Variants in HTR2B observed in about 807,000 individuals in gnomAD.
HTR2B encodes 5-hydroxytryptamine receptor 2B, also known as 5-HT 2B receptor.
In HTR2B, 31 loss-of-function variants were observed where a neutral mutation model predicts 39.8. That is an observed-to-expected ratio of 0.78 (90% CI 0.58 to 1.05). The LOEUF (loss-of-function observed/expected upper bound fraction) is 1.05. Ranked by LOEUF, HTR2B falls within the 50% of genes least tolerant of loss-of-function variation. The pLI, the probability that HTR2B is intolerant of heterozygous loss-of-function variation, is 0.00. For missense variants in HTR2B, 562 were observed against 578.0 expected (o/e 0.97, Z 0.28); for synonymous variants, 210 against 207.1 (o/e 1.01, Z -0.12).
rs565666997 is a variant in HTR2B, at chr2:231,123,912, A to G, written c.-148T>C. 138 of 697,362 alleles carry G rather than the reference A, an allele frequency of 2.0e-4. No homozygotes were observed. The highest frequency in any genetic ancestry group is 1.9e-3 in the African/African-American group (106 of 56,518). The allele number at this position is 697,362 out of a possible 1,614,324, so 43.2% of individuals were successfully genotyped here. A position where few individuals can be genotyped will look rare whatever the true frequency, so the allele number is the denominator to read the frequency against. On this transcript the variant is annotated 5_prime_UTR_variant, in exon 2 of 4. Transcript: ENST00000258400. ...ACCTTCCTTTAAAAAAAAAAATTCAAGTTCTCTAAAATGAGCGCATACACA... is the reference window on the plus strand; with the variant it reads ...ACCTTCCTTTAAAAAAAAAAATTCAGGTTCTCTAAAATGAGCGCATACACA...
At chr2:231,121,902 A>G (rs1695556430) in intron 2 of HTR2B, among the ~76,000 whole-genome samples, 1 of 152,172 alleles carries the variant, frequency 6.6e-6, no homozygotes, top group African/African-American at 2.4e-5. Flanking sequence ...CACAGTTTGA[A>G]GAGTATGATT....
rs1349471577 is a variant in HTR2B, at chr2:231,108,434, C to A, written c.*83G>T. On this transcript the variant is annotated 3_prime_UTR_variant, in exon 4 of 4. Coordinates refer to ENST00000258400, the MANE Select transcript of HTR2B (RefSeq NM_000867.5). ...ATGATTTGATATATGACATAAAATT[C>A]TTTATATAATATATTCTTGGCACAT... The A allele has an allele frequency of 2.1e-6, 2 of 966,162 alleles. No homozygotes were observed. 59.8% of individuals were successfully genotyped at this position (966,162 alleles called of 1,614,324 possible). A position where few individuals can be genotyped will look rare whatever the true frequency, so the allele number is the denominator to read the frequency against.
At chr2:231,111,843 C>T (rs1264064008) in intron 3 of HTR2B, among the ~76,000 whole-genome samples, 2 of 152,160 alleles carry the variant, frequency 1.3e-5, no homozygotes, top group African/African-American at 4.8e-5. Flanking sequence ...TCTTTTTTCT[C>T]CTGCATCACT....
In HTR2B at chr2:231,113,730, T is replaced by A. The variant is rs376496630; in HGVS notation, c.552A>T (p.Ile184=). 10 of 1,612,888 alleles carry A rather than the reference T, an allele frequency of 6.2e-6. No individual in the cohort carries two copies. The highest frequency in any genetic ancestry group is 8.5e-6 in the Non-Finnish European group (10 of 1,178,950). Residue 184 remains isoleucine (I), a splice_region_variant and synonymous_variant, in exon 3 of 4, where the codon ATA becomes ATT. Transcript: ENST00000258400. ...IKITVVWLIS[I]GIAIPVPIKG... is the part of the protein sequence containing the mutation. ...CACACTCTGGCATTCTCTACATACC[T>A]ATTGAAATTAACCACACCACTGTAA...
intron 3 of HTR2B, 36 bp from the exon 4 acceptor site, chr2:231,109,445 T>G (rs1695082706): frequency 6.4e-7 from 1 of 1,560,632 alleles, no homozygotes; most frequent in East Asian, 2.2e-5. Flanking sequence ...TTGAGTCATT[T>G]TATGACCTGT....
In HTR2B at chr2:231,124,017, G is replaced by A. The variant is rs143838790; in HGVS notation, c.-253C>T. On this transcript the variant is annotated 5_prime_UTR_variant, in exon 2 of 4. Transcript: ENST00000258400. ...TTAAATTTAGGAAAGCTCAGTGAAAGAAACTGATAGCTGTGAAAAAAATAG... is the reference window on the plus strand; with the variant it reads ...TTAAATTTAGGAAAGCTCAGTGAAAAAAACTGATAGCTGTGAAAAAAATAG... The A allele has an allele frequency of 5.9e-4, 273 of 461,144 alleles. 4 individuals carry two copies. In the East Asian group the frequency reaches 8.8e-3, roughly 15 times the overall value. 28.6% of individuals were successfully genotyped at this position (461,144 alleles called of 1,614,324 possible).
rs183799705 is a variant in HTR2B, at chr2:231,123,475, G to A, written c.290C>T (p.Ala97Val). The change falls in exon 2 of 4, where the codon GCG (alanine) becomes GTG (valine). Residue 97 changes from alanine (A) to valine (V), a missense_variant. Physicochemically the swap from Ala to Val is moderately conservative, Grantham distance 64 (BLOSUM62 0). Transcript: ENST00000258400. ...CAATCCAACCAGCAAATCAGCCACC[G>A]CCAAGGACATTAGAAAGTAATTAGT... ...YATNYFLMSLAVADLLVGLFV... is the reference protein window; with the variant it reads ...YATNYFLMSLVVADLLVGLFV... 8.1e-6 allele frequency: 13 copies of A among 1,613,990 alleles called. No individual in the cohort carries two copies. The East Asian group carries it at 1.1e-4, about 14-fold the overall frequency.
At chr2:231,113,563 G>T (rs1295809867) in intron 3 of HTR2B, among the ~76,000 whole-genome samples, 166 bp downstream of exon 3, 1 of 152,218 alleles carries the variant, frequency 6.6e-6, no homozygotes, top group African/African-American at 2.4e-5. Flanking sequence ...GTATGTTTTA[G>T]AAGGCGTATG....
chr2:231,114,560 T>A (rs911822736), intron 2 of HTR2B, among the ~76,000 whole-genome samples: 2 of 152,218 alleles, frequency 1.3e-5, no homozygotes, highest in African/African-American at 4.8e-5. Context: ...TCCCCTTCTA[T>A]ATTTCATCAT....
rs16827799 is a variant in HTR2B at position 231,114,359 on chromosome 2, G to A, written c.353-430C>T. ...TAGAGGAAACAGTATGACAAAAAGC[G>A]TATTAGAATGGGAGTCTCTGTGACA... is the stretch of plus-strand genomic sequence containing the variant. On this transcript the variant is annotated intron_variant, in intron 2 of 3. Coordinates refer to ENST00000258400, the MANE Select transcript of HTR2B (RefSeq NM_000867.5). Among the ~76,000 whole-genome samples the A allele has an allele frequency of 9.3e-3, 1,418 of 152,284 alleles. 29 individuals carry two copies. Among genetic ancestry groups the A allele is most frequent in the African/African-American group, 0.032 (1,324 of 41,562 alleles).
chr2:231,108,378 A>T lies in HTR2B; in HGVS notation c.*139T>A, dbSNP rs146146692. Reference sequence around the variant, plus strand: ...CTTGTCCAAATTAGGAAAATTAGATATTCTTAATACTTACATCTTAGGTTA... The same window carrying T: ...CTTGTCCAAATTAGGAAAATTAGATTTTCTTAATACTTACATCTTAGGTTA... On this transcript the variant is annotated 3_prime_UTR_variant, in exon 4 of 4. Coordinates refer to ENST00000258400, the MANE Select transcript of HTR2B (RefSeq NM_000867.5). 2.1e-3 allele frequency: 1,387 copies of T among 652,520 alleles called. 19 individuals carry two copies. The African/African-American group carries it at 0.022, about 11-fold the overall frequency. 40.4% of individuals were successfully genotyped at this position (652,520 alleles called of 1,614,324 possible). A position where few individuals can be genotyped will look rare whatever the true frequency, so the allele number is the denominator to read the frequency against.
In HTR2B at chr2:231,108,563, G is replaced by A. The variant is rs1695033522; in HGVS notation, c.1400C>T (p.Thr467Ile). The A allele has an allele frequency of 6.2e-7, 1 of 1,613,790 alleles. No homozygotes were observed. The highest frequency in any genetic ancestry group is 1.7e-5 in the Admixed American group (1 of 60,002). Reference sequence around the variant, plus strand: ...TTCAGTTTTGTCACCTTCATTTTCAGTGAGGAGAAGCGTATCTAGTAGAAT... The same window carrying A: ...TTCAGTTTTGTCACCTTCATTTTCAATGAGGAGAAGCGTATCTAGTAGAAT... ...SIILLDTLLLTENEGDKTEEQ... is the reference protein window; with the variant it reads ...SIILLDTLLLIENEGDKTEEQ... Residue 467 changes from threonine (T) to isoleucine (I), a missense_variant, in exon 4 of 4, where the codon ACT becomes ATT. Thr to Ile is a moderately conservative substitution (Grantham distance 89, BLOSUM62 -1). Transcript: ENST00000258400.
rs750697085 is a variant in HTR2B, at chr2:231,123,804, G to T, written c.-40C>A. 2 of 1,443,620 alleles carry T rather than the reference G, an allele frequency of 1.4e-6. No homozygotes were observed. The highest frequency in any genetic ancestry group is 2.0e-6 in the Non-Finnish European group (2 of 1,025,244). The allele number at this position is 1,443,620 out of a possible 1,614,324, so 89.4% of individuals were successfully genotyped here. A position where few individuals can be genotyped will look rare whatever the true frequency, so the allele number is the denominator to read the frequency against. ...TGATTCAATCCCGTTCCGAACAGTG[G>T]TCAGCATGGTTAGTAGCTAAGCTGC... On this transcript the variant is annotated 5_prime_UTR_variant, in exon 2 of 4. Transcript: ENST00000258400.
At position 231,108,990 on chromosome 2, in the gene HTR2B, C is replaced by A; in HGVS notation, c.973G>T (p.Val325Phe). Residue 325 changes from valine to phenylalanine, a missense_variant, in exon 4 of 4, where the codon GTC becomes TTC. Physicochemically the swap from Val to Phe is conservative, Grantham distance 50 (BLOSUM62 -1). Transcript: ENST00000258400. ...AAGAGGAAAAACACAATCCCTAGGA[C>A]CTTTGAGGCTCTCTGTTCGTTGGAA... ...TISNEQRASK[V>F]LGIVFFLFLL... is the part of the protein sequence containing the mutation. 1.2e-6 allele frequency: 2 copies of A among 1,614,170 alleles called. No individual in the cohort carries two copies. The highest frequency in any genetic ancestry group is 1.7e-6 in the Non-Finnish European group (2 of 1,180,028).
rs745963725 is a variant in HTR2B at position 231,123,627 on chromosome 2, A to G, written c.138T>C (p.Ile46=). Residue 46 remains isoleucine, a synonymous_variant, in exon 2 of 4, where the codon ATT becomes ATC. Coordinates refer to ENST00000258400, the MANE Select transcript of HTR2B (RefSeq NM_000867.5). ...TESIPEEMKQ[I]VEEQGNKLHW... Reference sequence around the variant, plus strand: ...GCAGTTTATTTCCCTGTTCCTCAACAATCTGTTTCATTTCCTCTGGTATTG... The same window carrying G: ...GCAGTTTATTTCCCTGTTCCTCAACGATCTGTTTCATTTCCTCTGGTATTG... 2.2e-5 allele frequency: 36 copies of G among 1,614,012 alleles called. No individual in the cohort carries two copies. The highest frequency in any genetic ancestry group is 3.1e-5 in the Non-Finnish European group (36 of 1,179,972).
chr2:231,111,760 A>G (rs1217886321), intron 3 of HTR2B, among the ~76,000 whole-genome samples: 1 of 152,224 alleles, frequency 6.6e-6, no homozygotes, highest in East Asian at 1.9e-4. Context: ...TAAAACCTCT[A>G]GGTTTCTTTT....
At chr2:231,110,247 G>C (rs1695110690) in intron 3 of HTR2B, among the ~76,000 whole-genome samples, 1 of 150,860 alleles carries the variant, frequency 6.6e-6, no homozygotes, top group South Asian at 2.1e-4. Flanking sequence ...TTGAACCCAG[G>C]AGGCCGAGGT....
intron 3 of HTR2B, among the ~76,000 whole-genome samples, chr2:231,113,200 G>A (rs1266779097): frequency 6.6e-6 from 1 of 152,024 alleles, no homozygotes. Context: ...ACCCACTGAA[G>A]CAGACACTTA....
In HTR2B at chr2:231,124,048, A is replaced by G. The variant is rs778807981; in HGVS notation, c.-284T>C. On this transcript the variant is annotated 5_prime_UTR_variant, in exon 2 of 4. Coordinates refer to ENST00000258400, the MANE Select transcript of HTR2B (RefSeq NM_000867.5). ...GATAGCTGTGAAAAAAATAGGATATATATATATTTTTAGTTTCTCTCTCTC... is the reference window on the plus strand; with the variant it reads ...GATAGCTGTGAAAAAAATAGGATATGTATATATTTTTAGTTTCTCTCTCTC... The G allele has an allele frequency of 1.5e-5, 5 of 344,538 alleles. No individual in the cohort carries two copies. Among genetic ancestry groups the G allele is most frequent in the Non-Finnish European group, 2.2e-5 (4 of 183,782 alleles). 21.3% of individuals were successfully genotyped at this position (344,538 alleles called of 1,614,324 possible).
Sources: allele counts gnomAD v4.1 joint callset (sites outside exome capture counted in the v4.1 genomes callset), GRCh38; gene constraint gnomAD v4.1.1; transcripts MANE v1.5; gene names NCBI Gene and HGNC (gene_info 2026-07-23, HGNC 2026-07-21).